TLCD4: variants seen among roughly 807,000 people sequenced by gnomAD.
TLCD4 encodes TLC domain-containing protein 4.
TLCD4 carries 7 observed loss-of-function variants against 24.2 expected under a neutral mutation model. The ratio of observed to expected loss-of-function variants is 0.29; its 90% confidence interval spans 0.16 to 0.54. TLCD4 has a LOEUF of 0.54. TLCD4 is among the 20% of genes least tolerant of loss of function. The probability of loss-of-function intolerance (pLI) is 0.95; values close to 1 mark genes in which losing one functional copy is unlikely to be tolerated. For missense variants in TLCD4, 259 were observed against 313.9 expected, an observed-to-expected ratio of 0.82 and a Z score of 1.32; for synonymous variants, 103 against 106.4, an observed-to-expected ratio of 0.97 and a Z score of 0.20.
intron 6 of TLCD4, among the ~76,000 whole-genome samples, chr1:95,175,556 G>T (rs1441282780): frequency 6.6e-6 from 1 of 152,150 alleles, no homozygotes; most frequent in Non-Finnish European, 1.5e-5. Flanking sequence ...ATTTCTAGAA[G>T]TGGGATTGCT....
intron 6 of TLCD4, among the ~76,000 whole-genome samples, chr1:95,183,490 G>A (rs1470544886): frequency 6.6e-6 from 1 of 152,142 alleles, no homozygotes. Context: ...AGAATAAGGT[G>A]ATATTTTAAC....
At chr1:95,113,192 G>A (rs770061707), upstream of TLCD4, among the ~76,000 whole-genome samples, 2 of 151,162 alleles carry the variant, frequency 1.3e-5, no homozygotes, top group African/African-American at 2.4e-5. Context: ...ACAGGCGTGC[G>A]CCACTAAGCC....
upstream of TLCD4, among the ~76,000 whole-genome samples, chr1:95,116,798 C>G (rs1195159093): frequency 6.6e-6 from 1 of 152,164 alleles, no homozygotes; most frequent in Non-Finnish European, 1.5e-5. Context: ...TGCTGGTGCA[C>G]CCATGAGGGT....
the TLCD4 span, among the ~76,000 whole-genome samples, chr1:95,109,635 G>A: frequency 6.6e-6 from 1 of 151,482 alleles, no homozygotes; most frequent in Non-Finnish European, 1.5e-5. Context: ...CTACAGGCGT[G>A]TGCAACCATA....
At chr1:95,150,854 G>C (rs1260304832) in intron 4 of TLCD4, among the ~76,000 whole-genome samples, 1 of 151,712 alleles carries the variant, frequency 6.6e-6, no homozygotes, top group African/African-American at 2.4e-5. Context: ...TTATTGTAGT[G>C]ACAAAAATCA....
chr1:95,173,352 C>T (rs1678296661), intron 5 of TLCD4, among the ~76,000 whole-genome samples: 1 of 152,116 alleles, frequency 6.6e-6, no homozygotes, highest in East Asian at 1.9e-4. Context: ...CTCTGTCGCC[C>T]AGGCTGGAGT....
chr1:95,170,553 T>A (rs1198181527), intron 5 of TLCD4, among the ~76,000 whole-genome samples: 1 of 152,044 alleles, frequency 6.6e-6, no homozygotes. Flanking sequence ...ATGGTCTCGA[T>A]CTCCTGACCT....
rs146966046 is a variant in TLCD4, at chr1:95,185,361, C to T, written c.474-6189C>T. 1.3e-3 allele frequency among the ~76,000 whole-genome samples: 201 copies of T among 152,274 alleles called. 1 individual carries two copies. The highest frequency in any genetic ancestry group is 4.7e-3 in the African/African-American group (196 of 41,542). On this transcript the variant is annotated intron_variant, in intron 6 of 6. Coordinates refer to ENST00000370203, the MANE Select transcript of TLCD4 (RefSeq NM_152487.3). ...CCTCTGAGTTGAAAGGTAAAGGTGC[C>T]TGAGAAGAAGTTTTGAGATCTTGGG... is the stretch of plus-strand genomic sequence containing the variant.
chr1:95,191,089 T>G (rs1679013774), intron 6 of TLCD4, among the ~76,000 whole-genome samples: 3 of 152,184 alleles, frequency 2.0e-5, no homozygotes, highest in Non-Finnish European at 4.4e-5. Flanking sequence ...CTTATGGAAG[T>G]TTTATAGTTT....
intron 5 of TLCD4, among the ~76,000 whole-genome samples, chr1:95,168,861 T>C (rs1678112929): frequency 6.6e-6 from 1 of 152,100 alleles, no homozygotes; most frequent in African/African-American, 2.4e-5. Context: ...GAACAGGAAA[T>C]GTAGATATTT....
chr1:95,162,810 A>T (rs1262532667), intron 5 of TLCD4, among the ~76,000 whole-genome samples: 6 of 152,248 alleles, frequency 3.9e-5, no homozygotes, highest in African/African-American at 1.4e-4. Context: ...TCTTTACTTT[A>T]AGAATGTTGA....
At chr1:95,187,963 G>A (rs565494774) in intron 6 of TLCD4, among the ~76,000 whole-genome samples, 60 of 152,064 alleles carry the variant, frequency 3.9e-4, no homozygotes, top group Non-Finnish European at 6.0e-4. Flanking sequence ...GGAGAACTTT[G>A]GTCTCTCCTT....
the TLCD4 span, among the ~76,000 whole-genome samples, chr1:95,105,313 A>C: frequency 2.6e-5 from 4 of 152,216 alleles, no homozygotes; most frequent in Non-Finnish European, 5.9e-5. Context: ...AGATTTATTG[A>C]AAATAAATTC....
the TLCD4 span, among the ~76,000 whole-genome samples, chr1:95,100,958 AGTGCAGTG>A: frequency 6.6e-6 from 1 of 150,722 alleles, no homozygotes; most frequent in African/African-American, 2.4e-5. Flanking sequence ...CCCAGGCTAG[AGTGCAGTG>A]GCGCAATCTC....
intron 2 of TLCD4, among the ~76,000 whole-genome samples, chr1:95,146,599 A>G (rs1677356772): frequency 6.6e-6 from 1 of 152,100 alleles, no homozygotes; most frequent in East Asian, 1.9e-4. Flanking sequence ...TTCTTTTTAG[A>G]TACTAAGGAA....
At chr1:95,158,719 T>C (rs1432988222) in intron 5 of TLCD4, among the ~76,000 whole-genome samples, 1 of 141,528 alleles carries the variant, frequency 7.1e-6, no homozygotes, top group African/African-American at 2.6e-5. Context: ...CCAAGTGTTC[T>C]TATCGGTCAC....
At chr1:95,130,199 C>A (rs2100914182) in intron 1 of TLCD4, among the ~76,000 whole-genome samples, 1 of 54,596 alleles carries the variant, frequency 1.8e-5, no homozygotes. Flanking sequence ...TGTTGCCAGG[C>A]TGGAGTTCAG....
intron 5 of TLCD4, among the ~76,000 whole-genome samples, chr1:95,155,272 G>A (rs1394941837): frequency 5.3e-5 from 8 of 151,994 alleles, no homozygotes; most frequent in Non-Finnish European, 1.5e-5. Flanking sequence ...AGCTGCGGAA[G>A]GGATCAGAAA....
upstream of TLCD4, among the ~76,000 whole-genome samples, chr1:95,116,022 C>A (rs772621452): frequency 6.6e-6 from 1 of 152,072 alleles, no homozygotes. Context: ...GATGGGACAC[C>A]GTGTGGTTCA....
Sources: gnomAD v4.1 joint callset for allele counts (sites outside exome capture counted in the v4.1 genomes callset) on GRCh38, gnomAD v4.1.1 for gene constraint, MANE v1.5 for transcripts, NCBI Gene and HGNC (gene_info 2026-07-23, HGNC 2026-07-21) for gene names.